The following CTU1 variants were observed in gnomAD, a reference collection of about 807,000 sequenced individuals.
CTU1 encodes the protein cytoplasmic tRNA 2-thiolation protein 1.
Under a neutral mutation model 12.9 loss-of-function variants are expected in CTU1, and 15 were observed. That is an observed-to-expected ratio of 1.16 (90% CI 0.78 to 1.79). The LOEUF (loss-of-function observed/expected upper bound fraction) is 1.79, where lower values mean the gene tolerates loss of function less well. Among genes scored for constraint, CTU1 ranks in the 40% most tolerant of loss-of-function variants. The pLI is 0.00. For synonymous variants in CTU1, 295 were observed against 275.6 expected (o/e 1.07, Z -0.70); for missense variants, 553 against 550.5 (o/e 1.00, Z -0.05).
intron 1 of CTU1, among the ~76,000 whole-genome samples, chr19:51,104,873 A>G (rs2122798750): frequency 6.6e-6 from 1 of 152,330 alleles, no homozygotes; most frequent in Non-Finnish European, 1.5e-5. Flanking sequence ...GGGAGCGACA[A>G]GCAGGTTATA....
In CTU1 at chr19:51,104,442, A is replaced by G; in HGVS notation, c.128T>C (p.Leu43Pro). The G allele has an allele frequency of 2.4e-6, 3 of 1,257,896 alleles. No individual in the cohort carries two copies. The highest frequency in any genetic ancestry group is 3.0e-6 in the Non-Finnish European group (3 of 1,000,544). 77.9% of individuals were successfully genotyped at this position (1,257,896 alleles called of 1,614,324 possible). ...AFEAEVLHTVLAGRLLPPGAV... is the reference protein window; with the variant it reads ...AFEAEVLHTVPAGRLLPPGAV... Reference sequence around the variant, plus strand: ...GCCGGGCGGCAGCAGGCGGCCGGCGAGCACCGTGTGCAGCACCTCGGCCTC... The same window carrying G: ...GCCGGGCGGCAGCAGGCGGCCGGCGGGCACCGTGTGCAGCACCTCGGCCTC... The change falls in exon 2 of 3, where the codon CTC becomes CCC. Residue 43 changes from leucine (L) to proline (P), a missense_variant. By Grantham distance (98) the Leu-to-Pro change is moderately conservative. Transcript: ENST00000421832.
chr19:51,104,703 T>C (rs1386210193), intron 1 of CTU1, 113 bp from the exon 2 acceptor site: 18 of 817,012 alleles, frequency 2.2e-5, no homozygotes, highest in Non-Finnish European at 2.8e-5. Context: ...CAGGGAGACG[T>C]GTGCGCGAGT....
In CTU1 at chr19:51,098,727, G is replaced by A; in HGVS notation, c.921C>T (p.Gly307=). 1 of 1,244,892 alleles carries A rather than the reference G, an allele frequency of 8.0e-7. No individual in the cohort carries two copies. The highest frequency in any genetic ancestry group is 1.0e-6 in the Non-Finnish European group (1 of 988,098). 77.1% of individuals were successfully genotyped at this position (1,244,892 alleles called of 1,614,324 possible). The part of the protein sequence containing the change: ...ALCQACALLD[G]LNRGRPRLAI... ...CCAGGCGGGGCCGGCCGCGGTTCAG[G>A]CCGTCCAGGAGCGCGCAGGCCTGGC... Residue 307 remains glycine, a synonymous_variant, in exon 3 of 3, where the codon GGC becomes GGT. Transcript: ENST00000421832. This position sits in a 1 kb window ranked among gnomAD's most constrained non-coding sequence, Gnocchi z 4.3.
chr19:51,103,908 A>G (rs79969007), intron 2 of CTU1, among the ~76,000 whole-genome samples, 154 bp downstream of exon 2: 32,440 of 152,060 alleles, frequency 0.21, 4,187 homozygotes, highest in Non-Finnish European at 0.29. Flanking sequence ...GCCCTTCCGC[A>G]CCTCCGTACA....
At position 51,104,305 on chromosome 19, in the gene CTU1, C is replaced by A; in HGVS notation, c.265G>T (p.Glu89Ter). The change falls in exon 2 of 3, where the codon GAG becomes TAG. Residue 89 changes from glutamate to a stop codon, truncating the protein, a stop_gained. Coordinates refer to ENST00000421832, the MANE Select transcript of CTU1 (RefSeq NM_145232.4). LOFTEE classifies it high-confidence loss of function. ...GCGTCCCGGTAGCCACCGATGCCCT[C>A]ATCGACGGCCACGAGCTGCAGTGAG... Reference protein sequence around the residue: ...GISLQLVAVDEGIGGYRDAAL... With the variant: ...GISLQLVAVD 1 of 1,493,776 alleles carries A rather than the reference C, an allele frequency of 6.7e-7. No individual in the cohort carries two copies. The highest frequency in any genetic ancestry group is 8.9e-7 in the Non-Finnish European group (1 of 1,126,234). 92.5% of individuals were successfully genotyped at this position (1,493,776 alleles called of 1,614,324 possible). A position where few individuals can be genotyped will look rare whatever the true frequency, so the allele number is the denominator to read the frequency against.
intron 2 of CTU1, 92 bp from the exon 3 acceptor site, chr19:51,099,231 C>G (rs2091901437): frequency 4.2e-6 from 5 of 1,188,748 alleles, no homozygotes; most frequent in Non-Finnish European, 5.8e-6. Context: ...CACCAGGACC[C>G]AGAGAGAGAC....
chr19:51,099,305 C>T (rs2091901646), intron 2 of CTU1, among the ~76,000 whole-genome samples, 166 bp from the exon 3 acceptor site: 1 of 151,820 alleles, frequency 6.6e-6, no homozygotes, highest in Admixed American at 6.5e-5. Context: ...AGAGAGACGG[C>T]GACGGGGAGA....
chr19:51,104,542 G>A lies in CTU1; in HGVS notation c.28C>T (p.His10Tyr). Reference protein sequence around the residue: MPAPPCASCHAARAALRRPL... With the variant: MPAPPCASCYAARAALRRPL... ...CGGCGGAGGGCGGCGCGTGCAGCAT[G>A]GCAGGAGGCGCACGGCGGGGCGGGC... Residue 10 changes from histidine to tyrosine, a missense_variant, in exon 2 of 3, where the codon CAT becomes TAT. Physicochemically the swap from His to Tyr is moderately conservative, Grantham distance 83. Around this residue, in one of 2 missense-constraint regions of CTU1, gnomAD observed 500 missense variants for 458.5 expected, o/e 1.09. Coordinates refer to ENST00000421832, the MANE Select transcript of CTU1 (RefSeq NM_145232.4). 7.9e-7 allele frequency: 1 copy of A among 1,261,096 alleles called. No homozygotes were observed. Among genetic ancestry groups the A allele is most frequent in the South Asian group, 2.9e-5 (1 of 34,208 alleles). 78.1% of individuals were successfully genotyped at this position (1,261,096 alleles called of 1,614,324 possible).
At position 51,098,462 on chromosome 19, in the gene CTU1, A is replaced by T; in HGVS notation, c.*139T>A. The T allele has an allele frequency of 1.2e-6, 1 of 822,226 alleles. No homozygotes were observed. Among genetic ancestry groups the T allele is most frequent in the Non-Finnish European group, 1.6e-6 (1 of 624,910 alleles). 50.9% of individuals were successfully genotyped at this position (822,226 alleles called of 1,614,324 possible). Reference sequence around the variant, plus strand: ...CGAAGTCTGGGGTCCCAGCTTCTTCAGGGTTTCAGGTGAATGGGCCCCCGT... The same window carrying T: ...CGAAGTCTGGGGTCCCAGCTTCTTCTGGGTTTCAGGTGAATGGGCCCCCGT... On this transcript the variant is annotated 3_prime_UTR_variant, in exon 3 of 3. Transcript: ENST00000421832. The surrounding 1 kb of genome is among the most constrained non-coding windows in gnomAD (Gnocchi z 4.3).
At position 51,108,122 on chromosome 19, in the gene CTU1, G is replaced by A. The variant is rs997936376; in HGVS notation, c.-22+225C>T. Among the ~76,000 whole-genome samples the A allele has an allele frequency of 2.6e-5, 4 of 151,832 alleles. No homozygotes were observed. Among genetic ancestry groups the A allele is most frequent in the African/African-American group, 9.7e-5 (4 of 41,396 alleles). ...ACAGGCAGATAGTAACATAGGGGCG[G>A]GGGCAAGCAGATGGTCTTATCCTGT... On this transcript the variant is annotated intron_variant, in intron 1 of 2. Transcript: ENST00000421832. The surrounding 1 kb of genome is among the most constrained non-coding windows in gnomAD (Gnocchi z 4.5).
chr19:51,099,572 C>A (rs1380336028), intron 2 of CTU1, among the ~76,000 whole-genome samples: 1 of 152,198 alleles, frequency 6.6e-6, no homozygotes, highest in Non-Finnish European at 1.5e-5. Flanking sequence ...CTTCATGTAC[C>A]ACCCGCCTAC....
At chr19:51,099,199 GC>G in intron 2 of CTU1, 60 bp from the exon 3 acceptor site, 5 of 1,453,074 alleles carry the variant, frequency 3.4e-6, no homozygotes, top group African/African-American at 1.4e-5. Context: ...TGGCCAGGGA[GC>G]CCCCCGGGGA....
rs2091893371 is a variant in CTU1, at chr19:51,097,686, A to ATGGGGGGGT, written c.*914_*915insACCCCCCCA. ...CCAGTGGTGCCTTGATGCGGGGGGG[A>ATGGGGGGGT]TGGGGGGGCGGGGGGGAAGGGGGCT... On this transcript the variant is annotated 3_prime_UTR_variant, in exon 3 of 3. Transcript: ENST00000421832. 4.6e-4 allele frequency: 1 copy of ATGGGGGGGT among 2,184 alleles called. No individual in the cohort carries two copies. The highest frequency in any genetic ancestry group is 1.5e-3 in the African/African-American group (1 of 672). 0.1% of individuals were successfully genotyped at this position (2,184 alleles called of 1,614,324 possible).
At chr19:51,105,932 C>T (rs760755132) in intron 1 of CTU1, among the ~76,000 whole-genome samples, 4 of 152,194 alleles carry the variant, frequency 2.6e-5, no homozygotes, top group Non-Finnish European at 4.4e-5. Flanking sequence ...TCAAAACAGC[C>T]AAACACTTAG....
At position 51,098,782 on chromosome 19, in the gene CTU1, C is replaced by T; in HGVS notation, c.866G>A (p.Arg289His). The change falls in exon 3 of 3, where the codon CGC becomes CAC. Residue 289 changes from arginine (R) to histidine (H), a missense_variant. Transcript: ENST00000421832. The surrounding 1 kb of genome is among the most constrained non-coding windows in gnomAD (Gnocchi z 4.3). ...ARPPRPGACS[R>H]CGALASRALC... ...CGCGCGGCTGGCCAGCGCCCCACAG[C>T]GGGAGCAGGCGCCGGGGCGCGGGGG... 1 of 1,066,874 alleles carries T rather than the reference C, an allele frequency of 9.4e-7. No individual in the cohort carries two copies. The highest frequency in any genetic ancestry group is 4.4e-5 in the South Asian group (1 of 22,572). The allele number at this position is 1,066,874 out of a possible 1,614,324, so 66.1% of individuals were successfully genotyped here. A position where few individuals can be genotyped will look rare whatever the true frequency, so the allele number is the denominator to read the frequency against.
chr19:51,105,824 G>A (rs1318121938), intron 1 of CTU1, among the ~76,000 whole-genome samples: 6 of 152,260 alleles, frequency 3.9e-5, no homozygotes, highest in African/African-American at 9.6e-5. Flanking sequence ...CACTTGTCAT[G>A]CTCCCAGTGG....
At chr19:51,103,927 C>T in intron 2 of CTU1, 135 bp downstream of exon 2, 1 of 935,086 alleles carries the variant, frequency 1.1e-6, no homozygotes, top group Non-Finnish European at 1.5e-6. Flanking sequence ...CAGGGATCCT[C>T]CCATTAAGCC....
In CTU1 at chr19:51,098,553, G is replaced by A. The variant is rs572958575; in HGVS notation, c.*48C>T. 4.0e-4 allele frequency: 490 copies of A among 1,232,262 alleles called. 1 individual carries two copies. Among genetic ancestry groups the A allele is most frequent in the Admixed American group, 1.3e-3 (31 of 23,082 alleles). The allele number at this position is 1,232,262 out of a possible 1,614,324, so 76.3% of individuals were successfully genotyped here. On this transcript the variant is annotated 3_prime_UTR_variant, in exon 3 of 3. Transcript: ENST00000421832. This position sits in a 1 kb window ranked among gnomAD's most constrained non-coding sequence, Gnocchi z 4.3. Reference sequence around the variant, plus strand: ...GGTTTATTCACAGTGTCATTTACAGGCAGCCCCCACCCCGCGGCATCAGAT... The same window carrying A: ...GGTTTATTCACAGTGTCATTTACAGACAGCCCCCACCCCGCGGCATCAGAT...
At chr19:51,103,620 G>C (rs910718531) in intron 2 of CTU1, among the ~76,000 whole-genome samples, 2 of 151,300 alleles carry the variant, frequency 1.3e-5, no homozygotes, top group Admixed American at 1.3e-4. Flanking sequence ...TCAAAGAGGA[G>C]AGGCCAACCA....
Sources: allele counts gnomAD v4.1 joint callset (sites outside exome capture counted in the v4.1 genomes callset), GRCh38; gene constraint gnomAD v4.1.1; regional missense constraint gnomAD v4.1.1; non-coding constraint Gnocchi (gnomAD v3.1); transcripts MANE v1.5; gene names NCBI Gene and HGNC (gene_info 2026-07-23, HGNC 2026-07-21).